The following NR3C2 variants were observed in gnomAD, a reference collection of about 807,000 sequenced individuals.
NR3C2 encodes mineralocorticoid receptor.
In NR3C2, 15 loss-of-function variants were observed where a neutral mutation model predicts 86.4. The observed-to-expected ratio is 0.17, with a 90% CI of 0.12 to 0.27. The LOEUF is 0.27. NR3C2 is among the 10% of genes least tolerant of loss of function. NR3C2 has a pLI of 1.00. For synonymous variants in NR3C2, 458 were observed against 450.5 expected, an observed-to-expected ratio of 1.02 and a Z score of -0.21; for missense variants, 960 against 1,195.6, an observed-to-expected ratio of 0.80 and a Z score of 2.91.
chr4:148,388,448 GAA>G (rs1747378069), intron 2 of NR3C2, among the ~76,000 whole-genome samples: 1 of 152,094 alleles, frequency 6.6e-6, no homozygotes, highest in Non-Finnish European at 1.5e-5. Flanking sequence ...TTTCAGATTC[GAA>G]ATGCTCAACC....
chr4:148,084,748 T>C (rs558052808), intron 8 of NR3C2, among the ~76,000 whole-genome samples: 15 of 152,166 alleles, frequency 9.9e-5, no homozygotes, highest in African/African-American at 3.6e-4. Context: ...AATCCATCGG[T>C]GTGCTGTATT....
chr4:148,091,878 C>T (rs913722678), intron 8 of NR3C2, among the ~76,000 whole-genome samples: 2 of 152,208 alleles, frequency 1.3e-5, no homozygotes, highest in South Asian at 4.1e-4. Flanking sequence ...CTGTGCATCT[C>T]TAAATAAGCA....
intron 4 of NR3C2, 102 bp from the exon 5 acceptor site, chr4:148,155,003 T>A: frequency 2.2e-6 from 2 of 920,798 alleles, no homozygotes; most frequent in Non-Finnish European, 3.4e-6. Context: ...GATCTTGTTA[T>A]GTCAATAGGA....
At position 148,268,817 on chromosome 4, in the gene NR3C2, A is replaced by G. The variant is rs138128426; in HGVS notation, c.1758-8700T>C. Among the ~76,000 whole-genome samples the G allele has an allele frequency of 2.4e-3, 363 of 152,336 alleles. 1 individual carries two copies. Among genetic ancestry groups the G allele is most frequent in the Admixed American group, 3.7e-3 (57 of 15,298 alleles). On this transcript the variant is annotated intron_variant, in intron 2 of 8. Coordinates refer to ENST00000358102, the MANE Select transcript of NR3C2 (RefSeq NM_000901.5). ...GAGTTGAAATGTCTGGTAAGCAACC[A>G]ACAACGTGGCATGGAAAATGAAGAA...
chr4:148,332,257 T>C (rs1744266033), intron 2 of NR3C2, among the ~76,000 whole-genome samples: 1 of 152,138 alleles, frequency 6.6e-6, no homozygotes, highest in African/African-American at 2.4e-5. Context: ...TGGCAACAAA[T>C]AACTGCAAAT....
At chr4:148,377,463 A>G (rs1746737337) in intron 2 of NR3C2, among the ~76,000 whole-genome samples, 1 of 152,232 alleles carries the variant, frequency 6.6e-6, no homozygotes, top group Non-Finnish European at 1.5e-5. Context: ...AAACTGAGAC[A>G]AGGGATTGGC....
At position 148,422,315 on chromosome 4, in the gene NR3C2, GA is replaced by G. The variant is rs11361774; in HGVS notation, c.1757+12788del. Reference sequence around the variant, plus strand: ...GTATGAAAATGACAGAGGAATTGAGGAAAAAAAAAAACACCTTTGTATCATA... The same window carrying G: ...GTATGAAAATGACAGAGGAATTGAGGAAAAAAAAAACACCTTTGTATCATA... On this transcript the variant is annotated intron_variant, in intron 2 of 8. Coordinates refer to ENST00000358102, the MANE Select transcript of NR3C2 (RefSeq NM_000901.5). Among the ~76,000 whole-genome samples, 833 of 140,400 alleles carry G rather than the reference GA, an allele frequency of 5.9e-3. 6 individuals are homozygous for G. Among genetic ancestry groups the G allele is most frequent in the African/African-American group, 0.017 (648 of 38,934 alleles). The allele number at this position is 140,400 out of a possible 152,430, so 92.1% of individuals were successfully genotyped here.
intron 3 of NR3C2, among the ~76,000 whole-genome samples, chr4:148,213,409 A>T (rs928861814): frequency 6.6e-6 from 1 of 152,216 alleles, no homozygotes; most frequent in East Asian, 1.9e-4. Context: ...AAAGGTGAGA[A>T]ACTGACCCCC....
At chr4:148,092,706 C>T (rs896494880) in intron 8 of NR3C2, among the ~76,000 whole-genome samples, 1 of 152,210 alleles carries the variant, frequency 6.6e-6, no homozygotes, top group Non-Finnish European at 1.5e-5. Flanking sequence ...TTCCATCTTT[C>T]CCTAGACTCC....
chr4:148,268,162 A>C (rs1180325003), intron 2 of NR3C2, among the ~76,000 whole-genome samples: 5 of 152,080 alleles, frequency 3.3e-5, no homozygotes. Context: ...GCTGGTCTTG[A>C]ACTCCTGACC....
chr4:148,189,608 C>A (rs573739425), intron 4 of NR3C2, among the ~76,000 whole-genome samples: 116 of 152,260 alleles, frequency 7.6e-4, no homozygotes, highest in African/African-American at 2.7e-3. Context: ...GGTACCAATT[C>A]TTTGAATGTC....
At chr4:148,440,797 G>C (rs530795540) in intron 1 of NR3C2, among the ~76,000 whole-genome samples, 3 of 152,028 alleles carry the variant, frequency 2.0e-5, no homozygotes, top group African/African-American at 4.8e-5. Flanking sequence ...TACTTTTTTC[G>C]GGAATATTAA....
upstream of NR3C2, among the ~76,000 whole-genome samples, chr4:148,443,724 G>T (rs527441982): frequency 6.6e-6 from 1 of 151,968 alleles, no homozygotes; most frequent in South Asian, 2.1e-4. Context: ...CCCGCAGCCC[G>T]GCGGCGGCAG....
chr4:148,172,920 T>G, intron 4 of NR3C2, among the ~76,000 whole-genome samples: 2 of 152,314 alleles, frequency 1.3e-5, no homozygotes, highest in Middle Eastern at 3.4e-3. Context: ...TATAAACATA[T>G]ATAACATTGC....
chr4:148,248,066 G>A (rs1739403791), intron 3 of NR3C2, among the ~76,000 whole-genome samples: 1 of 152,042 alleles, frequency 6.6e-6, no homozygotes, highest in Admixed American at 6.6e-5. Context: ...AATCTGATGT[G>A]TAATTTAAAA....
intron 2 of NR3C2, among the ~76,000 whole-genome samples, chr4:148,432,965 G>A (rs544562814): frequency 6.6e-6 from 1 of 152,194 alleles, no homozygotes; most frequent in East Asian, 1.9e-4. Flanking sequence ...AAATTTAGCT[G>A]GCACAAAACT....
At chr4:148,391,771 G>T (rs1391217518) in intron 2 of NR3C2, among the ~76,000 whole-genome samples, 2 of 151,372 alleles carry the variant, frequency 1.3e-5, no homozygotes, top group Non-Finnish European at 2.9e-5. Flanking sequence ...GGAGGCTGAG[G>T]CAGGAGAATC....
intron 8 of NR3C2, among the ~76,000 whole-genome samples, chr4:148,083,177 C>T (rs1185604897): frequency 6.6e-6 from 1 of 152,188 alleles, no homozygotes; most frequent in African/African-American, 2.4e-5. Context: ...TTCCTGCCTG[C>T]CGGCTCTGAA....
chr4:148,422,970 G>A (rs1159463824), intron 2 of NR3C2, among the ~76,000 whole-genome samples: 1 of 151,900 alleles, frequency 6.6e-6, no homozygotes, highest in Non-Finnish European at 1.5e-5. Flanking sequence ...TCTACTTTTT[G>A]TGGTGCTGTT....
Sources: gnomAD v4.1 joint callset for allele counts (sites outside exome capture counted in the v4.1 genomes callset) on GRCh38, gnomAD v4.1.1 for gene constraint, MANE v1.5 for transcripts, NCBI Gene and HGNC (gene_info 2026-07-23, HGNC 2026-07-21) for gene names.